Variants in SIPA1L1 observed in about 807,000 individuals in gnomAD.
SIPA1L1 encodes the protein signal-induced proliferation-associated 1-like protein 1.
Under a neutral mutation model 162.7 loss-of-function variants are expected in SIPA1L1, and 26 were observed. The ratio of observed to expected loss-of-function variants is 0.16; its 90% CI spans 0.12 to 0.22. SIPA1L1 has a LOEUF of 0.22. Among genes scored for constraint, SIPA1L1 ranks in the 10% least tolerant of loss-of-function variants. SIPA1L1 has a pLI of 1.00. For synonymous variants in SIPA1L1, 829 were observed against 837.4 expected, an observed-to-expected ratio of 0.99 and a Z score of 0.17; for missense variants, 1,874 against 2,241.0, an observed-to-expected ratio of 0.84 and a Z score of 3.31.
Position 71,736,153 on chromosome 14 carries a change from C to T in SIPA1L1, c.5123+762C>T, listed in dbSNP as rs377546076. ...GCTCATGCCTGTAATTTCAGCACTT[C>T]GGGAGGCCAAGGCGGGCAGATTGCC... On this transcript the variant is annotated intron_variant, in intron 22 of 23. Coordinates refer to ENST00000381232, the MANE Select transcript of SIPA1L1 (RefSeq NM_001386936.1). Among the ~76,000 whole-genome samples the T allele has an allele frequency of 2.2e-4, 33 of 152,276 alleles. No individual in the cohort carries two copies. In the East Asian group the frequency reaches 4.4e-3, roughly 20 times the overall value.
chr14:71,587,905 G>C lies in SIPA1L1; in HGVS notation c.33G>C (p.Arg11Ser), dbSNP rs925005566. Residue 11 changes from arginine to serine, a missense_variant, in exon 5 of 24, where the codon AGG becomes AGC. Around this residue, in one of 5 missense-constraint regions of SIPA1L1, gnomAD observed 685 missense variants for 828.0 expected, o/e 0.83. Coordinates refer to ENST00000381232, the MANE Select transcript of SIPA1L1 (RefSeq NM_001386936.1). The stretch of plus-strand genomic sequence containing the variant: ...GCTTGAAACGGTCACAGACAGAAAG[G>C]CCTCTTGCCACTGACAGGGCCTCTG... MTSLKRSQTE[R>S]PLATDRASVV... 6.2e-7 allele frequency: 1 copy of C among 1,611,750 alleles called. No homozygotes were observed.
chr14:71,700,074 A>G (rs1405193448), intron 14 of SIPA1L1, among the ~76,000 whole-genome samples: 1 of 152,226 alleles, frequency 6.6e-6, no homozygotes, highest in East Asian at 1.9e-4. Flanking sequence ...AATTGGGGAT[A>G]GGGGGCATAC....
chr14:71,400,304 C>T (rs2041569744), intron 2 of SIPA1L1, among the ~76,000 whole-genome samples: 1 of 152,150 alleles, frequency 6.6e-6, no homozygotes, highest in Non-Finnish European at 1.5e-5. Flanking sequence ...TGTGCCATTT[C>T]AAGAAGTAAA....
At position 71,687,324 on chromosome 14, in the gene SIPA1L1, T is replaced by A. The variant is rs1475563144; in HGVS notation, c.3374+1693T>A. On this transcript the variant is annotated intron_variant, in intron 13 of 23. Coordinates refer to ENST00000381232, the MANE Select transcript of SIPA1L1 (RefSeq NM_001386936.1). ...GAGACCTCTGAGTAAATTCTTTTTT[T>A]GACACATTCCAGACTTGGCTGCCTC... is the stretch of plus-strand genomic sequence containing the variant. 2.0e-5 allele frequency among the ~76,000 whole-genome samples: 3 copies of A among 152,200 alleles called. 1 individual carries two copies. Among genetic ancestry groups the A allele is most frequent in the South Asian group, 2.1e-4 (1 of 4,834 alleles).
intron 2 of SIPA1L1, among the ~76,000 whole-genome samples, chr14:71,430,863 T>G (rs2043935852): frequency 6.6e-6 from 1 of 152,162 alleles, no homozygotes. Context: ...CAGGGAGGCT[T>G]TTCTAGTTCA....
rs911979357 is a variant in SIPA1L1, at chr14:71,702,017, A to T, written c.3522-364A>T. The stretch of plus-strand genomic sequence containing the variant: ...AGATATATATGGAATATTAATATTT[A>T]GTTTGTGAACTTTTTCTTTTGGCTG... On this transcript the variant is annotated intron_variant, in intron 14 of 23. Transcript: ENST00000381232. Among the ~76,000 whole-genome samples the T allele has an allele frequency of 2.6e-5, 4 of 152,340 alleles. No homozygotes were observed. The South Asian group carries it at 8.3e-4, about 32-fold the overall frequency.
At chr14:71,670,987 T>G in intron 10 of SIPA1L1, 132 bp from the exon 11 acceptor site, 1 of 724,382 alleles carries the variant, frequency 1.4e-6, no homozygotes, top group South Asian at 2.0e-5. Flanking sequence ...GAAATGTGTG[T>G]TGTTTCTCAT....
intron 3 of SIPA1L1, among the ~76,000 whole-genome samples, chr14:71,527,919 C>CT (rs1330529399): frequency 6.6e-6 from 1 of 152,160 alleles, no homozygotes; most frequent in African/African-American, 2.4e-5. Context: ...GAGTCTCGCT[C>CT]TATCGTCCAG....
At chr14:71,467,070 G>T (rs575951229) in intron 2 of SIPA1L1, 1 of 152,114 alleles carries the variant, frequency 6.6e-6, no homozygotes, top group African/African-American at 2.4e-5. Context: ...TGCCTGCTTG[G>T]AACAACACTT....
chr14:71,575,330 C>T (rs2032847935), intron 4 of SIPA1L1, among the ~76,000 whole-genome samples: 1 of 152,112 alleles, frequency 6.6e-6, no homozygotes, highest in African/African-American at 2.4e-5. Flanking sequence ...ACACACAGTG[C>T]CTGGAAGAAT....
intron 7 of SIPA1L1, among the ~76,000 whole-genome samples, chr14:71,635,163 C>G (rs551800052): frequency 6.6e-6 from 1 of 152,002 alleles, no homozygotes; most frequent in East Asian, 1.9e-4. Context: ...CCTATAATCC[C>G]AGGTACTCGG....
intron 6 of SIPA1L1, among the ~76,000 whole-genome samples, chr14:71,619,298 C>T (rs1211232731): frequency 2.0e-5 from 3 of 152,148 alleles, no homozygotes; most frequent in African/African-American, 7.2e-5. Flanking sequence ...CAAGCTCTTG[C>T]TGAGCTCATG....
intron 2 of SIPA1L1, among the ~76,000 whole-genome samples, chr14:71,512,300 G>T (rs1455185448): frequency 6.6e-6 from 1 of 152,104 alleles, no homozygotes; most frequent in East Asian, 1.9e-4. Context: ...TAACCAGCCT[G>T]ACTGGCATAA....
At chr14:71,678,624 C>T (rs112669531) in intron 12 of SIPA1L1, among the ~76,000 whole-genome samples, 16 of 152,004 alleles carry the variant, frequency 1.1e-4, no homozygotes, top group Non-Finnish European at 1.8e-4. Context: ...TGTCTCTGCC[C>T]GGCTTTGGTA....
intron 8 of SIPA1L1, among the ~76,000 whole-genome samples, chr14:71,651,764 T>G (rs2042636764): frequency 1.3e-5 from 2 of 152,218 alleles, no homozygotes; most frequent in African/African-American, 4.8e-5. Context: ...TTGTGTGTTA[T>G]CTGTGATGAA....
chr14:71,624,808 C>T (rs904374672), intron 7 of SIPA1L1, among the ~76,000 whole-genome samples: 3 of 152,096 alleles, frequency 2.0e-5, no homozygotes, highest in Non-Finnish European at 4.4e-5. Context: ...CACTTCACCG[C>T]GCTGTTCTTA....
At chr14:71,655,520 T>C (rs948297014) in intron 8 of SIPA1L1, among the ~76,000 whole-genome samples, 11 of 152,228 alleles carry the variant, frequency 7.2e-5, no homozygotes, top group African/African-American at 2.7e-4. Flanking sequence ...GGTAGTTCTA[T>C]TGTTAGTTCT....
chr14:71,516,662 A>C (rs1050803194), intron 3 of SIPA1L1, among the ~76,000 whole-genome samples: 2 of 150,708 alleles, frequency 1.3e-5, no homozygotes, highest in African/African-American at 4.9e-5. Flanking sequence ...TGTGAGACTT[A>C]CTTTTTTTAA....
chr14:71,450,893 C>T (rs114839801), intron 2 of SIPA1L1, among the ~76,000 whole-genome samples: 8 of 152,092 alleles, frequency 5.3e-5, no homozygotes, highest in Non-Finnish European at 8.8e-5. Flanking sequence ...CCAGCAGTTC[C>T]GCTGCTGGGT....
Sources: allele counts gnomAD v4.1 joint callset (sites outside exome capture counted in the v4.1 genomes callset), GRCh38; gene constraint gnomAD v4.1.1; regional missense constraint gnomAD v4.1.1; transcripts MANE v1.5; gene names NCBI Gene and HGNC (gene_info 2026-07-23, HGNC 2026-07-21).